ATP9B: variants seen among roughly 807,000 people sequenced by gnomAD.
ATP9B encodes ATPase phospholipid transporting 9B.
A neutral mutation model predicts 146.1 loss-of-function variants in ATP9B; 110 were observed. The ratio of observed to expected loss-of-function variants is 0.75; its 90% CI spans 0.65 to 0.88. The LOEUF (loss-of-function observed/expected upper bound fraction) is 0.88, where lower values mean the gene tolerates loss of function less well. ATP9B is among the 40% of genes least tolerant of loss of function. The pLI, the probability that ATP9B is intolerant of heterozygous loss-of-function variation, is 0.00. For synonymous variants in ATP9B, 604 were observed against 569.7 expected (o/e 1.06, Z -0.86); for missense variants, 1,499 against 1,496.4 (o/e 1.00, Z -0.03).
chr18:79,087,652 A>G (rs948911290), intron 1 of ATP9B: 6 of 152,244 alleles, frequency 3.9e-5, no homozygotes, highest in Non-Finnish European at 8.8e-5. Flanking sequence ...AATGGAAACA[A>G]TAAGGCTTAG....
At chr18:79,109,163 T>C (rs1173323599) in intron 2 of ATP9B, among the ~76,000 whole-genome samples, 1 of 152,226 alleles carries the variant, frequency 6.6e-6, no homozygotes, top group Non-Finnish European at 1.5e-5. Context: ...TATTCTAGCC[T>C]TGAATACAAT....
intron 15 of ATP9B, among the ~76,000 whole-genome samples, chr18:79,327,591 ACGTGCCCTCCGTGGTTAG>A (rs1568698090): frequency 7.7e-5 from 4 of 51,704 alleles, no homozygotes; most frequent in East Asian, 5.2e-4. Context: ...TCCGTGGTTA[ACGTGCCCTCCGTGGTTAG>A]CGTGCCCTCC....
intron 13 of ATP9B, among the ~76,000 whole-genome samples, chr18:79,301,479 A>G (rs2096590139): frequency 1.3e-5 from 2 of 152,230 alleles, no homozygotes; most frequent in Admixed American, 6.5e-5. Context: ...CAAAAAACAA[A>G]CAAACAAATG....
chr18:79,348,526 T>C (rs1486705468), intron 25 of ATP9B, among the ~76,000 whole-genome samples: 1 of 152,234 alleles, frequency 6.6e-6, no homozygotes, highest in Non-Finnish European at 1.5e-5. Context: ...CTCCCGGCTC[T>C]CTGCAGGCTG....
Position 79,193,252 on chromosome 18 carries a change from A to AATTGTTT in ATP9B, c.943_944insATTGTTT (p.Thr315AsnfsTer10), listed in dbSNP as rs1259160486. 1 of 1,607,764 alleles carries AATTGTTT rather than the reference A, an allele frequency of 6.2e-7. No individual in the cohort carries two copies. The highest frequency in any genetic ancestry group is 2.2e-5 in the East Asian group (1 of 44,788). On this transcript the variant is annotated frameshift_variant, in exon 9 of 30. Transcript: ENST00000426216. LOFTEE classifies it high-confidence loss of function. ...AATGGACATTCACAGTTTCGAAGGCACATTTACCAGGGTAAGTTAAACCTG... is the reference window on the plus strand; with the variant it reads ...AATGGACATTCACAGTTTCGAAGGCAATTGTTTCATTTACCAGGGTAAGTTAAACCTG...
At chr18:79,323,386 C>T (rs1411387972) in intron 15 of ATP9B, among the ~76,000 whole-genome samples, 1 of 152,224 alleles carries the variant, frequency 6.6e-6, no homozygotes, top group Non-Finnish European at 1.5e-5. Context: ...CTTATTCCTT[C>T]TATCCGACTG....
At chr18:79,217,123 C>G (rs2148447504) in intron 11 of ATP9B, among the ~76,000 whole-genome samples, 1 of 152,356 alleles carries the variant, frequency 6.6e-6, no homozygotes, top group South Asian at 2.1e-4. Context: ...CAAAGCGCTG[C>G]TGATAGTGAA....
intron 20 of ATP9B, among the ~76,000 whole-genome samples, chr18:79,342,684 G>A (rs753098602): frequency 1.3e-5 from 2 of 151,750 alleles, no homozygotes; most frequent in Admixed American, 6.6e-5. Flanking sequence ...GCTTTTTGAC[G>A]GAATGAACAA....
intron 26 of ATP9B, among the ~76,000 whole-genome samples, chr18:79,370,702 A>C (rs2097064204): frequency 6.6e-6 from 1 of 152,104 alleles, no homozygotes; most frequent in Admixed American, 6.5e-5. Context: ...CTATAATATC[A>C]TCTGCTTCAA....
At chr18:79,098,745 G>A (rs2075023763) in intron 2 of ATP9B, among the ~76,000 whole-genome samples, 1 of 152,158 alleles carries the variant, frequency 6.6e-6, no homozygotes, top group Admixed American at 6.5e-5. Flanking sequence ...TATCATCCCA[G>A]TAATGTCCTT....
At chr18:79,337,245 G>T in intron 18 of ATP9B, 34 bp from the exon 19 acceptor site, 1 of 1,602,616 alleles carries the variant, frequency 6.2e-7, no homozygotes, top group Non-Finnish European at 8.5e-7. Flanking sequence ...GCACGTACAC[G>T]TGTGCACACA....
At chr18:79,318,399 G>GT (rs56024359) in intron 15 of ATP9B, among the ~76,000 whole-genome samples, 1,625 of 152,326 alleles carry the variant, frequency 0.011, 12 homozygotes, top group Admixed American at 0.016. Context: ...CACAGCCCCA[G>GT]TCTACTCGTG....
intron 16 of ATP9B, 106 bp from the exon 17 acceptor site, chr18:79,329,906 A>T: frequency 9.9e-7 from 1 of 1,006,054 alleles, no homozygotes; most frequent in South Asian, 1.4e-5. Context: ...ACAGGAACAC[A>T]TTCATAGGAA....
intron 15 of ATP9B, among the ~76,000 whole-genome samples, chr18:79,313,339 G>C (rs1257252612): frequency 6.6e-6 from 1 of 152,324 alleles, no homozygotes; most frequent in Admixed American, 6.5e-5. Flanking sequence ...AGTGTGGGCT[G>C]TGAGACAAAC....
chr18:79,091,280 C>T (rs1392856201), intron 1 of ATP9B, among the ~76,000 whole-genome samples: 2 of 152,128 alleles, frequency 1.3e-5, no homozygotes, highest in East Asian at 3.9e-4. Context: ...TTTGTAGTTT[C>T]ATATAAATTT....
chr18:79,070,317 T>A (rs2071577430), intron 1 of ATP9B, among the ~76,000 whole-genome samples: 1 of 152,240 alleles, frequency 6.6e-6, no homozygotes, highest in Non-Finnish European at 1.5e-5. Flanking sequence ...TAATTTTTGT[T>A]TTCGGCCATT....
At chr18:79,327,991 G>A (rs552052878) in intron 15 of ATP9B, among the ~76,000 whole-genome samples, 3 of 144,556 alleles carry the variant, frequency 2.1e-5, no homozygotes, top group Non-Finnish European at 4.5e-5. Flanking sequence ...TCTGGTTAGC[G>A]TGCTCTCCGT....
At chr18:79,097,138 A>G (rs2074855352) in intron 2 of ATP9B, among the ~76,000 whole-genome samples, 1 of 150,834 alleles carries the variant, frequency 6.6e-6, no homozygotes, top group Non-Finnish European at 1.5e-5. Flanking sequence ...ATCCTGGGCA[A>G]TGGAGTAAGA....
chr18:79,329,105 G>A, intron 15 of ATP9B, 36 bp from the exon 16 acceptor site: 2 of 1,491,714 alleles, frequency 1.3e-6, no homozygotes, highest in South Asian at 2.7e-5. Flanking sequence ...CTTTCCTGAG[G>A]CAGCGGTGGC....
Sources: allele counts gnomAD v4.1 joint callset (sites outside exome capture counted in the v4.1 genomes callset), GRCh38; gene constraint gnomAD v4.1.1; transcripts MANE v1.5; gene names NCBI Gene and HGNC (gene_info 2026-07-23, HGNC 2026-07-21).